VAT1L: variants seen among roughly 807,000 people sequenced by gnomAD.
VAT1L encodes the protein putative NADPH-dependent quinone oxidoreductase VAT1L.
In VAT1L, 34 loss-of-function variants were observed where a neutral mutation model predicts 44.1. The observed-to-expected ratio is 0.77, with a 90% confidence interval of 0.59 to 1.03. The LOEUF is 1.03. VAT1L is among the 50% of genes least tolerant of loss of function. VAT1L has a pLI of 0.00. For synonymous variants in VAT1L, 253 were observed against 202.2 expected (o/e 1.25, Z -2.13); for missense variants, 615 against 538.8 (o/e 1.14, Z -1.40).
chr16:77,880,341 G>T (rs998538487), intron 6 of VAT1L, among the ~76,000 whole-genome samples: 1 of 151,950 alleles, frequency 6.6e-6, no homozygotes, highest in African/African-American at 2.4e-5. Flanking sequence ...ATTTATTTTG[G>T]TAGAGACAAG....
intron 1 of VAT1L, among the ~76,000 whole-genome samples, chr16:77,807,663 G>A (rs2016187807): frequency 6.6e-6 from 1 of 152,098 alleles, no homozygotes; most frequent in South Asian, 2.1e-4. Context: ...TTTTCTTTGT[G>A]TCATAGTGAT....
intron 1 of VAT1L, among the ~76,000 whole-genome samples, chr16:77,814,113 C>A (rs1285058221): frequency 6.6e-6 from 1 of 152,104 alleles, no homozygotes; most frequent in East Asian, 1.9e-4. Context: ...ATAGTTCATA[C>A]CTCATAGGAG....
intron 7 of VAT1L, among the ~76,000 whole-genome samples, chr16:77,920,073 C>G (rs1225058366): frequency 6.6e-6 from 1 of 151,904 alleles, no homozygotes; most frequent in Non-Finnish European, 1.5e-5. Context: ...TACAAAGACT[C>G]TGTCCAAAAA....
chr16:77,969,513 C>A (rs1214765471), intron 7 of VAT1L, among the ~76,000 whole-genome samples: 3 of 151,986 alleles, frequency 2.0e-5, no homozygotes, highest in Admixed American at 1.3e-4. Flanking sequence ...CAGTTTCTTG[C>A]CATGTGGACC....
chr16:77,863,262 T>A (rs1023179956), intron 4 of VAT1L, among the ~76,000 whole-genome samples: 3 of 152,222 alleles, frequency 2.0e-5, no homozygotes, highest in Non-Finnish European at 4.4e-5. Context: ...ATCTTATGGT[T>A]CCACTATTGT....
At chr16:77,916,168 C>T (rs1412736050) in intron 7 of VAT1L, among the ~76,000 whole-genome samples, 1 of 152,130 alleles carries the variant, frequency 6.6e-6, no homozygotes, top group East Asian at 1.9e-4. Flanking sequence ...GGGCCAAGGG[C>T]AGGGAAATCA....
At chr16:77,842,140 G>T (rs2016713701) in intron 3 of VAT1L, among the ~76,000 whole-genome samples, 4 of 152,166 alleles carry the variant, frequency 2.6e-5, no homozygotes. Flanking sequence ...GCCTGCCTTG[G>T]CCTCCCAAAG....
At chr16:77,845,217 C>T (rs1229639850) in intron 3 of VAT1L, among the ~76,000 whole-genome samples, 1 of 152,186 alleles carries the variant, frequency 6.6e-6, no homozygotes, top group African/African-American at 2.4e-5. Context: ...CAGATGCCCA[C>T]AGCTCTGCCT....
At chr16:77,885,218 C>T (rs553023695) in intron 7 of VAT1L, among the ~76,000 whole-genome samples, 4 of 152,272 alleles carry the variant, frequency 2.6e-5, no homozygotes, top group South Asian at 2.1e-4. Context: ...CCTTGAGCCC[C>T]GATGAGACAT....
At chr16:77,845,532 A>G (rs2016750075) in intron 3 of VAT1L, among the ~76,000 whole-genome samples, 1 of 152,110 alleles carries the variant, frequency 6.6e-6, no homozygotes, top group South Asian at 2.1e-4. Flanking sequence ...ACTAAACTAT[A>G]TGCACCCACA....
chr16:77,963,625 AG>A (rs754156618), intron 7 of VAT1L, among the ~76,000 whole-genome samples: 29 of 152,058 alleles, frequency 1.9e-4, no homozygotes, highest in Non-Finnish European at 3.5e-4. Context: ...TAGAAAATAA[AG>A]GGGGGAAAAA....
chr16:77,951,241 T>C (rs1202317887), intron 7 of VAT1L, among the ~76,000 whole-genome samples: 1 of 152,076 alleles, frequency 6.6e-6, no homozygotes, highest in Non-Finnish European at 1.5e-5. Context: ...GAAGGGTAAT[T>C]TGTAGTTTTA....
chr16:77,911,232 G>C (rs2017496722), intron 7 of VAT1L, among the ~76,000 whole-genome samples: 1 of 152,206 alleles, frequency 6.6e-6, no homozygotes, highest in Non-Finnish European at 1.5e-5. Flanking sequence ...CAGTTGGGAA[G>C]AAAAAGGAAA....
chr16:77,933,706 G>A (rs1257016084), intron 7 of VAT1L, among the ~76,000 whole-genome samples: 1 of 152,134 alleles, frequency 6.6e-6, no homozygotes, highest in Non-Finnish European at 1.5e-5. Flanking sequence ...TGGAAGGAGG[G>A]GGATTAACAA....
intron 3 of VAT1L, among the ~76,000 whole-genome samples, chr16:77,856,872 C>T (rs1469185072): frequency 1.3e-5 from 2 of 152,222 alleles, no homozygotes; most frequent in Non-Finnish European, 2.9e-5. Context: ...TCACGGATAC[C>T]TGCATTTGAC....
At chr16:77,906,496 T>C (rs571959055) in intron 7 of VAT1L, among the ~76,000 whole-genome samples, 1 of 152,320 alleles carries the variant, frequency 6.6e-6, no homozygotes, top group African/African-American at 2.4e-5. Context: ...TACAGACTTA[T>C]GTGCAGGAAC....
At chr16:77,897,048 G>A (rs994807901) in intron 7 of VAT1L, among the ~76,000 whole-genome samples, 1 of 152,316 alleles carries the variant, frequency 6.6e-6, no homozygotes, top group Non-Finnish European at 1.5e-5. Flanking sequence ...CAGAGGACCA[G>A]TTTCAAGATT....
chr16:77,860,131 C>T (rs2016901380), intron 3 of VAT1L, among the ~76,000 whole-genome samples: 1 of 152,148 alleles, frequency 6.6e-6, no homozygotes, highest in Admixed American at 6.5e-5. Flanking sequence ...ATCTTTCGCT[C>T]ACATCCCTCA....
chr16:77,939,932 T>C (rs940983808), intron 7 of VAT1L, among the ~76,000 whole-genome samples: 6 of 152,158 alleles, frequency 3.9e-5, no homozygotes, highest in African/African-American at 1.4e-4. Context: ...TTACAGCAAA[T>C]TTCTCAGCAG....
Sources: allele counts gnomAD v4.1 joint callset (sites outside exome capture counted in the v4.1 genomes callset), GRCh38; gene constraint gnomAD v4.1.1; transcripts MANE v1.5; gene names NCBI Gene and HGNC (gene_info 2026-07-23, HGNC 2026-07-21).